RGCC: variants seen among roughly 807,000 people sequenced by gnomAD.
RGCC encodes regulator of cell cycle.
Under a neutral mutation model 15.4 loss-of-function variants are expected in RGCC, and 15 were observed. The ratio of observed to expected loss-of-function variants is 0.97; its 90% CI spans 0.65 to 1.50. The LOEUF (loss-of-function observed/expected upper bound fraction) is 1.50. Ranked by LOEUF, RGCC falls within the 40% of genes most tolerant of loss-of-function variation. RGCC has a pLI of 0.00. For missense variants in RGCC, 176 were observed against 189.7 expected, an observed-to-expected ratio of 0.93 and a Z score of 0.42; for synonymous variants, 81 against 78.0, an observed-to-expected ratio of 1.04 and a Z score of -0.20.
Position 41,457,633 on chromosome 13 carries a change from C to T in RGCC, c.-75C>T. 6.7e-7 allele frequency: 1 copy of T among 1,496,804 alleles called. No individual in the cohort carries two copies. Among genetic ancestry groups the T allele is most frequent in the Non-Finnish European group, 8.9e-7 (1 of 1,125,166 alleles). The allele number at this position is 1,496,804 out of a possible 1,614,324, so 92.7% of individuals were successfully genotyped here. ...GGCAGGGCTGAAGTGTGCGGGACAG[C>T]AAGCCCCCGAATAGCCCCGGCTGCC... On this transcript the variant is annotated 5_prime_UTR_variant, in exon 1 of 5. Coordinates refer to ENST00000379359, the MANE Select transcript of RGCC (RefSeq NM_014059.3). The surrounding 1 kb of genome is among the most constrained non-coding windows in gnomAD (Gnocchi z 4.9).
At chr13:41,469,163 A>G (rs1359191254) in intron 4 of RGCC, among the ~76,000 whole-genome samples, 1 of 152,002 alleles carries the variant, frequency 6.6e-6, no homozygotes, top group Admixed American at 6.6e-5. Context: ...TGGGAGGCTG[A>G]GGTAGGAGAA....
Position 41,458,325 on chromosome 13 carries a change from C to A in RGCC, c.90C>A (p.Asp30Glu). 6.3e-7 allele frequency: 1 copy of A among 1,585,780 alleles called. No individual in the cohort carries two copies. The highest frequency in any genetic ancestry group is 8.5e-7 in the Non-Finnish European group (1 of 1,172,762). The change falls in exon 2 of 5, where the codon GAC becomes GAA. Residue 30 changes from aspartate to glutamate, a missense_variant. Physicochemically the swap from Asp to Glu is conservative, Grantham distance 45. Transcript: ENST00000379359. The surrounding 1 kb of genome is among the most constrained non-coding windows in gnomAD (Gnocchi z 4.4). Reference sequence around the variant, plus strand: ...CGGCGGCCGCGGAGGACCTGTCGGACGCGCTGTGCGAGTTTGACGCGGTGC... The same window carrying A: ...CGGCGGCCGCGGAGGACCTGTCGGAAGCGCTGTGCGAGTTTGACGCGGTGC... ...LDSAAAEDLS[D>E]ALCEFDAVLA...
intron 2 of RGCC, among the ~76,000 whole-genome samples, chr13:41,459,844 C>G (rs577473083): frequency 6.6e-6 from 1 of 152,214 alleles, no homozygotes; most frequent in Non-Finnish European, 1.5e-5. Context: ...TACAGATTCT[C>G]GCATGGAAAA....
chr13:41,460,528 C>T (rs1412018978), intron 2 of RGCC, among the ~76,000 whole-genome samples: 1 of 152,140 alleles, frequency 6.6e-6, no homozygotes, highest in Admixed American at 6.5e-5. Context: ...CATGTCTTCA[C>T]GAATAGACTG....
chr13:41,470,640 C>A lies in RGCC; in HGVS notation c.*155C>A. The A allele has an allele frequency of 1.4e-6, 1 of 726,532 alleles. No individual in the cohort carries two copies. Among genetic ancestry groups the A allele is most frequent in the South Asian group, 1.8e-5 (1 of 57,122 alleles). 45.0% of individuals were successfully genotyped at this position (726,532 alleles called of 1,614,324 possible). ...CTCTCAGGCTCACCTTAAAATCAGC[C>A]CTTGATCCCATTTCTGGGCAATTTA... is the stretch of plus-strand genomic sequence containing the variant. On this transcript the variant is annotated 3_prime_UTR_variant, in exon 5 of 5. Coordinates refer to ENST00000379359, the MANE Select transcript of RGCC (RefSeq NM_014059.3).
At chr13:41,460,789 G>T (rs1370644758) in intron 2 of RGCC, among the ~76,000 whole-genome samples, 1 of 152,198 alleles carries the variant, frequency 6.6e-6, no homozygotes, top group Non-Finnish European at 1.5e-5. Flanking sequence ...TACATGCTGT[G>T]CTATACCATA....
Position 41,468,666 on chromosome 13 carries a change from T to A in RGCC, c.344-110T>A, listed in dbSNP as rs79199928. The A allele has an allele frequency of 1.4e-3, 1,044 of 772,240 alleles. 6 individuals carry two copies. The highest frequency in any genetic ancestry group is 7.1e-3 in the African/African-American group (406 of 57,222). The allele number at this position is 772,240 out of a possible 1,614,324, so 47.8% of individuals were successfully genotyped here. A position where few individuals can be genotyped will look rare whatever the true frequency, so the allele number is the denominator to read the frequency against. On this transcript the variant is annotated intron_variant, in intron 3 of 4. Coordinates refer to ENST00000379359, the MANE Select transcript of RGCC (RefSeq NM_014059.3). The stretch of plus-strand genomic sequence containing the variant: ...TGTAAAATAGAAATAATCCATTCTA[T>A]AACTCTGGAAGTTCCAACTTCCTGG...
At chr13:41,461,520 ATTAAC>A (rs1487979307) in intron 2 of RGCC, among the ~76,000 whole-genome samples, 1 of 152,244 alleles carries the variant, frequency 6.6e-6, no homozygotes, top group African/African-American at 2.4e-5. Context: ...AGTTTATAAT[ATTAAC>A]TTAAACTTTA....
intron 2 of RGCC, among the ~76,000 whole-genome samples, chr13:41,462,264 G>C (rs574631801): frequency 1.3e-5 from 2 of 151,994 alleles, no homozygotes; most frequent in Non-Finnish European, 2.9e-5. Context: ...GTTGACATGC[G>C]CTAACCCTAA....
chr13:41,470,093 T>C lies in RGCC; in HGVS notation c.407-385T>C, dbSNP rs190935771. Among the ~76,000 whole-genome samples, 3 of 152,312 alleles carry C rather than the reference T, an allele frequency of 2.0e-5. No homozygotes were observed. The East Asian group carries it at 5.8e-4, about 29-fold the overall frequency. ...AAAAATTAAATCCAAAGCTGGTTAT[T>C]TAAAAATAACTATGTTCTTAACACT... On this transcript the variant is annotated intron_variant, in intron 4 of 4. Transcript: ENST00000379359.
rs2139579580 is a variant in RGCC at position 41,470,339 on chromosome 13, C to T, written c.407-139C>T. ...ATTGCAGTGGGTTGCCCAGTCATTCCAGTTAATCAGACACTCATCGTGTGG... is the reference window on the plus strand; with the variant it reads ...ATTGCAGTGGGTTGCCCAGTCATTCTAGTTAATCAGACACTCATCGTGTGG... On this transcript the variant is annotated intron_variant, in intron 4 of 4. Coordinates refer to ENST00000379359, the MANE Select transcript of RGCC (RefSeq NM_014059.3). 4.8e-6 allele frequency: 4 copies of T among 832,054 alleles called. No homozygotes were observed. In the East Asian group the frequency reaches 9.9e-5, roughly 21 times the overall value. The allele number at this position is 832,054 out of a possible 1,614,324, so 51.5% of individuals were successfully genotyped here.
intron 2 of RGCC, among the ~76,000 whole-genome samples, chr13:41,461,548 C>G (rs2139574076): frequency 6.6e-6 from 1 of 152,282 alleles, no homozygotes; most frequent in East Asian, 1.9e-4. Context: ...AGGTGGTATG[C>G]ACTTATACCT....
At chr13:41,460,419 C>A (rs2043815492) in intron 2 of RGCC, among the ~76,000 whole-genome samples, 1 of 152,204 alleles carries the variant, frequency 6.6e-6, no homozygotes. Context: ...TTTAGCTCAT[C>A]AAGAGGGAGA....
chr13:41,462,022 T>G (rs2043824043), intron 2 of RGCC, among the ~76,000 whole-genome samples: 2 of 152,244 alleles, frequency 1.3e-5, no homozygotes, highest in African/African-American at 4.8e-5. Flanking sequence ...AAGATGCTCT[T>G]TCTTATTTTG....
In RGCC at chr13:41,458,535, G is replaced by A; in HGVS notation, c.235+65G>A. 2 of 1,479,330 alleles carry A rather than the reference G, an allele frequency of 1.4e-6. No homozygotes were observed. The highest frequency in any genetic ancestry group is 1.8e-6 in the Non-Finnish European group (2 of 1,105,308). The allele number at this position is 1,479,330 out of a possible 1,614,324, so 91.6% of individuals were successfully genotyped here. ...AGCTCCCAGGACCTGCCCCGCGAAG[G>A]CTGCGGCCTCAGTTTTCTTATCAGT... On this transcript the variant is annotated intron_variant, in intron 2 of 4. Coordinates refer to ENST00000379359, the MANE Select transcript of RGCC (RefSeq NM_014059.3). This position sits in a 1 kb window ranked among gnomAD's most constrained non-coding sequence, Gnocchi z 4.4.
rs190608223 is a variant in RGCC at position 41,458,256 on chromosome 13, G to C, written c.50-29G>C. The C allele has an allele frequency of 1.6e-5, 25 of 1,539,218 alleles. No homozygotes were observed. The East Asian group carries it at 5.9e-4, about 37-fold the overall frequency. The stretch of plus-strand genomic sequence containing the variant: ...TGGTCCCGCTGCCCCCCTGACTTCC[G>C]TGCACTGAGCCCCTGGCCCTGCCCG... On this transcript the variant is annotated intron_variant, in intron 1 of 4. Transcript: ENST00000379359. The surrounding 1 kb of genome is among the most constrained non-coding windows in gnomAD (Gnocchi z 4.4).
chr13:41,461,060 A>G (rs1429963220), intron 2 of RGCC, among the ~76,000 whole-genome samples: 2 of 152,246 alleles, frequency 1.3e-5, no homozygotes, highest in African/African-American at 4.8e-5. Context: ...GGAAAGAAGA[A>G]CAGATATTTA....
Position 41,458,262 on chromosome 13 carries a change from T to G in RGCC, c.50-23T>G. The G allele has an allele frequency of 6.5e-7, 1 of 1,547,634 alleles. No individual in the cohort carries two copies. Among genetic ancestry groups the G allele is most frequent in the Non-Finnish European group, 8.7e-7 (1 of 1,152,678 alleles). On this transcript the variant is annotated intron_variant, in intron 1 of 4. Transcript: ENST00000379359. This position sits in a 1 kb window ranked among gnomAD's most constrained non-coding sequence, Gnocchi z 4.4. ...CGCTGCCCCCCTGACTTCCGTGCAC[T>G]GAGCCCCTGGCCCTGCCCGCAGCCC... is the stretch of plus-strand genomic sequence containing the variant.
rs1391167303 is a variant in RGCC, at chr13:41,457,883, G to T, written c.49+127G>T. On this transcript the variant is annotated intron_variant, in intron 1 of 4. Coordinates refer to ENST00000379359, the MANE Select transcript of RGCC (RefSeq NM_014059.3). This position sits in a 1 kb window ranked among gnomAD's most constrained non-coding sequence, Gnocchi z 4.9. ...TCCTCCCCGGCGGGAACCTGTCCCC[G>T]GTCTTCCCGCGCGGGCGGCTGCAGC... The T allele has an allele frequency of 1.1e-5, 14 of 1,298,032 alleles. No individual in the cohort carries two copies. Among genetic ancestry groups the T allele is most frequent in the Non-Finnish European group, 1.2e-5 (12 of 1,009,096 alleles). The allele number at this position is 1,298,032 out of a possible 1,614,324, so 80.4% of individuals were successfully genotyped here.
Sources: allele counts gnomAD v4.1 joint callset (sites outside exome capture counted in the v4.1 genomes callset), GRCh38; gene constraint gnomAD v4.1.1; non-coding constraint Gnocchi (gnomAD v3.1); transcripts MANE v1.5; gene names NCBI Gene and HGNC (gene_info 2026-07-23, HGNC 2026-07-21).